DDHD1: variants seen among roughly 807,000 people sequenced by gnomAD.
DDHD1 encodes the protein phospholipase DDHD1.
Under a neutral mutation model 96.4 loss-of-function variants are expected in DDHD1, and 49 were observed. The ratio of observed to expected loss-of-function variants is 0.51; its 90% CI spans 0.40 to 0.64. The LOEUF (loss-of-function observed/expected upper bound fraction) is 0.64, where lower values mean the gene tolerates loss of function less well. Among genes scored for constraint, DDHD1 ranks in the 30% least tolerant of loss-of-function variants. DDHD1 has a pLI of 0.00. For synonymous variants in DDHD1, 442 were observed against 446.5 expected, an observed-to-expected ratio of 0.99 and a Z score of 0.13; for missense variants, 1,106 against 1,161.2, an observed-to-expected ratio of 0.95 and a Z score of 0.69.
At chr14:53,142,607 A>ATC (rs755168196) in intron 1 of DDHD1, among the ~76,000 whole-genome samples, 37 of 152,378 alleles carry the variant, frequency 2.4e-4, no homozygotes, top group Non-Finnish European at 4.7e-4. Context: ...TAAAGTTGGT[A>ATC]TCTCTCACAT....
At chr14:53,120,149 C>G (rs1174433225) in intron 1 of DDHD1, among the ~76,000 whole-genome samples, 1 of 152,132 alleles carries the variant, frequency 6.6e-6, no homozygotes, top group Admixed American at 6.5e-5. Flanking sequence ...TTCTTATACA[C>G]CAATAATAGA....
intron 1 of DDHD1, among the ~76,000 whole-genome samples, chr14:53,104,754 T>G (rs962281784): frequency 2.6e-5 from 4 of 151,978 alleles, no homozygotes; most frequent in African/African-American, 9.7e-5. Flanking sequence ...TTTAAAACAA[T>G]TTTTTAATAA....
At chr14:53,100,227 C>T (rs1413802736) in intron 2 of DDHD1, among the ~76,000 whole-genome samples, 4 of 151,996 alleles carry the variant, frequency 2.6e-5, no homozygotes, top group African/African-American at 9.7e-5. Context: ...GTAATCCTGG[C>T]ACTTTGTGGG....
intron 6 of DDHD1, among the ~76,000 whole-genome samples, chr14:53,069,042 G>T (rs1884294964): frequency 6.6e-6 from 1 of 152,088 alleles, no homozygotes; most frequent in African/African-American, 2.4e-5. Context: ...TTTTTTCAAT[G>T]ATCTATAAAT....
In DDHD1 at chr14:53,058,472, C is replaced by T; in HGVS notation, c.1992+5G>A. 2 of 1,603,620 alleles carry T rather than the reference C, an allele frequency of 1.2e-6. No homozygotes were observed. The highest frequency in any genetic ancestry group is 2.2e-5 in the East Asian group (1 of 44,802). On this transcript the variant is annotated splice_donor_5th_base_variant and intron_variant, in intron 9 of 12. Transcript: ENST00000673822. ...AGAAAAAAAAGAGTCTATATTGCAA[C>T]TCACCACTGGATCTGTAGGATGAAA...
At position 53,090,742 on chromosome 14, in the gene DDHD1, G is replaced by C. The variant is rs143189564; in HGVS notation, c.1289+1043C>G. 7.8e-4 allele frequency among the ~76,000 whole-genome samples: 118 copies of C among 152,184 alleles called. 5 individuals are homozygous for C. In the East Asian group the frequency reaches 0.017, roughly 22 times the overall value. On this transcript the variant is annotated intron_variant, in intron 4 of 12. Transcript: ENST00000673822. ...CCCACTGGGGTGGGGGGATGGAGGA[G>C]GCATAGCATTAGGAGAAATACCTAA...
intron 9 of DDHD1, among the ~76,000 whole-genome samples, chr14:53,056,677 C>G (rs1271719280): frequency 6.6e-6 from 1 of 152,172 alleles, no homozygotes; most frequent in Non-Finnish European, 1.5e-5. Context: ...AAGGAGGTAA[C>G]ACTTCCTCTC....
At chr14:53,140,563 G>A (rs938554224) in intron 1 of DDHD1, among the ~76,000 whole-genome samples, 1 of 151,752 alleles carries the variant, frequency 6.6e-6, no homozygotes, top group Non-Finnish European at 1.5e-5. Context: ...AAAACTCAGA[G>A]AACACAAACC....
chr14:53,082,661 A>G (rs1249027962), intron 4 of DDHD1, among the ~76,000 whole-genome samples: 1 of 151,458 alleles, frequency 6.6e-6, no homozygotes, highest in Non-Finnish European at 1.5e-5. Context: ...AGGAAGGCTG[A>G]GATAGGAGAA....
intron 11 of DDHD1, among the ~76,000 whole-genome samples, chr14:53,052,339 AACAG>A (rs1478450390): frequency 6.6e-6 from 1 of 152,084 alleles, no homozygotes; most frequent in Admixed American, 6.5e-5. Context: ...CACATAAAGA[AACAG>A]ACAGATCATG....
At position 53,055,703 on chromosome 14, in the gene DDHD1, G is replaced by T; in HGVS notation, c.2202C>A (p.His734Gln). 1 of 1,614,068 alleles carries T rather than the reference G, an allele frequency of 6.2e-7. No individual in the cohort carries two copies. The highest frequency in any genetic ancestry group is 8.5e-7 in the Non-Finnish European group (1 of 1,179,958). The stretch of plus-strand genomic sequence containing the variant: ...CTATATTTGTTATAGATTCTCCATA[G>T]TGTCGGCGGGACAAAACTGGTGAGG... ...PVTSPVLSRR[H>Q]YGESITNIGK... is the part of the protein sequence containing the mutation. The change falls in exon 10 of 13, where the codon CAC (histidine) becomes CAA (glutamine). Residue 734 changes from histidine (H) to glutamine (Q), a missense_variant. Physicochemically the swap from His to Gln is conservative, Grantham distance 24. Coordinates refer to ENST00000673822, the MANE Select transcript of DDHD1 (RefSeq NM_001160148.2).
intron 6 of DDHD1, among the ~76,000 whole-genome samples, chr14:53,068,034 T>C (rs1884188219): frequency 6.6e-6 from 1 of 152,128 alleles, no homozygotes; most frequent in Admixed American, 6.6e-5. Flanking sequence ...ATCATAGTAA[T>C]CAACTTTATA....
chr14:53,127,667 G>A (rs540218907), intron 1 of DDHD1, among the ~76,000 whole-genome samples: 7 of 152,278 alleles, frequency 4.6e-5, no homozygotes, highest in African/African-American at 1.7e-4. Context: ...ATGACAGCTG[G>A]AGAAGGAAGC....
At chr14:53,118,544 G>C (rs1380970370) in intron 1 of DDHD1, among the ~76,000 whole-genome samples, 1 of 152,052 alleles carries the variant, frequency 6.6e-6, no homozygotes, top group Non-Finnish European at 1.5e-5. Flanking sequence ...ATTCAAACAA[G>C]TGGAAGAAAA....
chr14:53,058,340 C>T, intron 9 of DDHD1, 137 bp downstream of exon 9: 2 of 956,722 alleles, frequency 2.1e-6, no homozygotes, highest in Non-Finnish European at 3.1e-6. Flanking sequence ...GTCTTGAACT[C>T]CTGACCTCAG....
chr14:53,134,872 C>T (rs758325723), intron 1 of DDHD1, among the ~76,000 whole-genome samples: 81 of 152,120 alleles, frequency 5.3e-4, no homozygotes, highest in Admixed American at 1.2e-3. Context: ...AAACTGCATC[C>T]AGGCCATCAC....
intron 1 of DDHD1, among the ~76,000 whole-genome samples, chr14:53,116,304 T>C (rs560178811): frequency 1.3e-5 from 2 of 152,256 alleles, no homozygotes; most frequent in East Asian, 1.9e-4. Flanking sequence ...CTGTCAATAT[T>C]AGACGGATCA....
intron 1 of DDHD1, among the ~76,000 whole-genome samples, chr14:53,142,292 C>T (rs1350064641): frequency 2.0e-5 from 3 of 152,160 alleles, no homozygotes; most frequent in Non-Finnish European, 4.4e-5. Context: ...AGGAGAGATT[C>T]AAGATTATTT....
chr14:53,130,901 A>T (rs1406949607), intron 1 of DDHD1, among the ~76,000 whole-genome samples: 2 of 152,160 alleles, frequency 1.3e-5, no homozygotes, highest in Non-Finnish European at 2.9e-5. Context: ...AGCCTCTTGG[A>T]CCATCACAGA....
Sources: gnomAD v4.1 joint callset for allele counts (sites outside exome capture counted in the v4.1 genomes callset) on GRCh38, gnomAD v4.1.1 for gene constraint, MANE v1.5 for transcripts, NCBI Gene and HGNC (gene_info 2026-07-23, HGNC 2026-07-21) for gene names.